CDCA7L: variants seen among roughly 807,000 people sequenced by gnomAD.
CDCA7L encodes the protein cell division cycle associated 7 like.
Under a neutral mutation model 57.4 loss-of-function variants are expected in CDCA7L, and 44 were observed. The observed-to-expected ratio is 0.77, with a 90% confidence interval of 0.60 to 0.98. The LOEUF (loss-of-function observed/expected upper bound fraction) is 0.98. CDCA7L is among the 50% of genes least tolerant of loss of function. The pLI, the probability that CDCA7L is intolerant of heterozygous loss-of-function variation, is 0.00. For synonymous variants in CDCA7L, 236 were observed against 202.8 expected (o/e 1.16, Z -1.39); for missense variants, 644 against 580.6 (o/e 1.11, Z -1.12).
chr7:21,942,271 A>G (rs1053018251), intron 1 of CDCA7L, among the ~76,000 whole-genome samples: 1 of 152,230 alleles, frequency 6.6e-6, no homozygotes, highest in African/African-American at 2.4e-5. Context: ...GCAGGGTGCT[A>G]GCATTTACTA....
At chr7:21,935,565 A>G (rs1311178717) in intron 1 of CDCA7L, among the ~76,000 whole-genome samples, 2 of 147,584 alleles carry the variant, frequency 1.4e-5, no homozygotes, top group African/African-American at 2.5e-5. Flanking sequence ...ATAGAATAAG[A>G]GAAAAATCAA....
In CDCA7L at chr7:21,918,222, A is replaced by G. The variant is rs148326090; in HGVS notation, c.25-1328T>C. Among the ~76,000 whole-genome samples the G allele has an allele frequency of 7.4e-3, 1,131 of 152,320 alleles. 13 individuals carry two copies. Among genetic ancestry groups the G allele is most frequent in the African/African-American group, 0.025 (1,026 of 41,562 alleles). The stretch of plus-strand genomic sequence containing the variant: ...TTTTTCATTATAAAAACTTTCAAAG[A>G]TATTTCAAAAGTAGATGGGAAGATA... On this transcript the variant is annotated intron_variant, in intron 1 of 9. Coordinates refer to ENST00000406877, the MANE Select transcript of CDCA7L (RefSeq NM_018719.5).
chr7:21,919,081 G>C (rs1303662478), intron 1 of CDCA7L, among the ~76,000 whole-genome samples: 1 of 152,144 alleles, frequency 6.6e-6, no homozygotes, highest in East Asian at 1.9e-4. Context: ...GCCTCCCAAA[G>C]TGCTGGGATT....
chr7:21,918,651 G>C (rs192487825), intron 1 of CDCA7L, among the ~76,000 whole-genome samples: 1 of 152,262 alleles, frequency 6.6e-6, no homozygotes, highest in East Asian at 1.9e-4. Flanking sequence ...TACAATTTGG[G>C]AGTTGAATCC....
chr7:21,903,757 A>G (rs949382231), intron 8 of CDCA7L: 6 of 195,376 alleles, frequency 3.1e-5, no homozygotes, highest in Non-Finnish European at 6.2e-5. Context: ...CTATACTGCA[A>G]TCTCCACCTC....
chr7:21,936,965 C>T (rs903750637), intron 1 of CDCA7L, among the ~76,000 whole-genome samples: 26 of 152,156 alleles, frequency 1.7e-4, no homozygotes, highest in Non-Finnish European at 7.3e-5. Flanking sequence ...CATTGCAGGA[C>T]ACAAAATCAA....
rs1258249597 is a variant in CDCA7L at position 21,920,710 on chromosome 7, TA to T, written c.25-3817del. Among the ~76,000 whole-genome samples, 3 of 152,376 alleles carry T rather than the reference TA, an allele frequency of 2.0e-5. No homozygotes were observed. In the East Asian group the frequency reaches 5.8e-4, roughly 29 times the overall value. On this transcript the variant is annotated intron_variant, in intron 1 of 9. Coordinates refer to ENST00000406877, the MANE Select transcript of CDCA7L (RefSeq NM_018719.5). Reference sequence around the variant, plus strand: ...TGAAACTTTTCTCAAGGAGGTATGTTAAACAATGTTTGCCACCTTATCTTTT... The same window carrying T: ...TGAAACTTTTCTCAAGGAGGTATGTTAACAATGTTTGCCACCTTATCTTTT...
chr7:21,935,617 T>C (rs566349049), intron 1 of CDCA7L, among the ~76,000 whole-genome samples: 3 of 148,882 alleles, frequency 2.0e-5, no homozygotes, highest in South Asian at 4.3e-4. Context: ...AATCAACAAA[T>C]TGGCAAATCT....
intron 1 of CDCA7L, among the ~76,000 whole-genome samples, chr7:21,930,867 T>G (rs972765437): frequency 1.3e-5 from 2 of 151,686 alleles, no homozygotes; most frequent in African/African-American, 4.8e-5. Flanking sequence ...TTTGAAAAGA[T>G]CAACAAAATA....
intron 8 of CDCA7L, among the ~76,000 whole-genome samples, chr7:21,903,583 G>A (rs931370007): frequency 7.1e-5 from 10 of 141,230 alleles, no homozygotes; most frequent in East Asian, 2.3e-4. Flanking sequence ...ACACTCGGGA[G>A]CAGGACTGCC....
In CDCA7L at chr7:21,904,212, T is replaced by C; in HGVS notation, c.1095A>G (p.Thr365=). 6.2e-7 allele frequency: 1 copy of C among 1,613,394 alleles called. No homozygotes were observed. Among genetic ancestry groups the C allele is most frequent in the Non-Finnish European group, 8.5e-7 (1 of 1,179,678 alleles). The change falls in exon 8 of 10, where the codon ACA becomes ACG. Residue 365 remains threonine (T), a synonymous_variant. Coordinates refer to ENST00000406877, the MANE Select transcript of CDCA7L (RefSeq NM_018719.5). ...QCRQKTIDTK[T]VCRNQGCCGV... is the part of the protein sequence containing the mutation. ...CACAGCAACCCTGGTTCCGACACAC[T>C]GTCTTGGTGTCGATGGTCTTTTGTC...
chr7:21,917,100 A>G (rs1285345322), intron 1 of CDCA7L, among the ~76,000 whole-genome samples: 3 of 152,114 alleles, frequency 2.0e-5, no homozygotes, highest in African/African-American at 7.2e-5. Context: ...ATAAAACTTA[A>G]AATTCTAGAT....
intron 2 of CDCA7L, among the ~76,000 whole-genome samples, chr7:21,914,975 G>C (rs1417597224): frequency 6.6e-6 from 1 of 152,184 alleles, no homozygotes; most frequent in East Asian, 1.9e-4. Flanking sequence ...TTGCTCAAAT[G>C]CTCCTCAAGG....
chr7:21,934,582 C>G (rs1450637712), intron 1 of CDCA7L, among the ~76,000 whole-genome samples: 3 of 152,146 alleles, frequency 2.0e-5, no homozygotes, highest in Admixed American at 2.0e-4. Flanking sequence ...CCAGTAATTA[C>G]TTTAAATTTA....
rs1402445571 is a variant in CDCA7L at position 21,906,469 on chromosome 7, G to C, written c.754-13C>G. 6.2e-7 allele frequency: 1 copy of C among 1,609,926 alleles called. No homozygotes were observed. Among genetic ancestry groups the C allele is most frequent in the Non-Finnish European group, 8.5e-7 (1 of 1,177,158 alleles). ...CTGTCTTCTTCCTCTGAAATCAAGA[G>C]CACAGACAGAGACAACTGGGGACTC... On this transcript the variant is annotated splice_polypyrimidine_tract_variant and intron_variant, in intron 5 of 9. Coordinates refer to ENST00000406877, the MANE Select transcript of CDCA7L (RefSeq NM_018719.5).
At chr7:21,921,961 A>C (rs1785668023) in intron 1 of CDCA7L, among the ~76,000 whole-genome samples, 2 of 152,196 alleles carry the variant, frequency 1.3e-5, no homozygotes, top group Admixed American at 1.3e-4. Flanking sequence ...CAATTCTATG[A>C]GAACACAGGT....
At chr7:21,940,562 G>A (rs1786309406) in intron 1 of CDCA7L, among the ~76,000 whole-genome samples, 1 of 152,180 alleles carries the variant, frequency 6.6e-6, no homozygotes, top group African/African-American at 2.4e-5. Context: ...TGTGATCAGG[G>A]AAGTCAGCCC....
chr7:21,927,844 T>G (rs1785874320), intron 1 of CDCA7L, among the ~76,000 whole-genome samples: 1 of 152,174 alleles, frequency 6.6e-6, no homozygotes, highest in South Asian at 2.1e-4. Context: ...AACCCCCATC[T>G]CCCTGGGACA....
chr7:21,901,688 C>T lies in CDCA7L; in HGVS notation c.*634G>A, dbSNP rs1784871062. 6.4e-6 allele frequency: 1 copy of T among 156,394 alleles called. No individual in the cohort carries two copies. Among genetic ancestry groups the T allele is most frequent in the Non-Finnish European group, 1.4e-5 (1 of 70,824 alleles). 9.7% of individuals were successfully genotyped at this position (156,394 alleles called of 1,614,324 possible). On this transcript the variant is annotated 3_prime_UTR_variant, in exon 10 of 10. Coordinates refer to ENST00000406877, the MANE Select transcript of CDCA7L (RefSeq NM_018719.5). ...ACAAATTAAATTATTAGCCCTTAAA[C>T]TCTTTCAAAATATAAAAGCAGCAGG...
Sources: gnomAD v4.1 joint callset for allele counts (sites outside exome capture counted in the v4.1 genomes callset) on GRCh38, gnomAD v4.1.1 for gene constraint, MANE v1.5 for transcripts, NCBI Gene and HGNC (gene_info 2026-07-23, HGNC 2026-07-21) for gene names.